Variants in MUC22 observed in about 807,000 individuals in gnomAD.
The protein encoded by MUC22 is mucin-22.
A neutral mutation model predicts 40.3 loss-of-function variants in MUC22; 24 were observed. The ratio of observed to expected loss-of-function variants is 0.60; its 90% CI spans 0.43 to 0.84. The LOEUF is 0.84. Among genes scored for constraint, MUC22 ranks in the 40% least tolerant of loss-of-function variants. The pLI is 0.00. For missense variants in MUC22, 1,926 were observed against 2,130.7 expected (o/e 0.90, Z 1.89); for synonymous variants, 765 against 844.5 (o/e 0.91, Z 1.63).
chr6:31,024,767 A>G (rs1045004555), intron 1 of MUC22, among the ~76,000 whole-genome samples: 6 of 151,758 alleles, frequency 4.0e-5, no homozygotes, highest in Admixed American at 1.3e-4. Context: ...CTGGTCTCCT[A>G]TTTATTCATG....
chr6:31,029,201 C>T, exon 2 of MUC22: 1 of 1,535,110 alleles, frequency 6.5e-7, no homozygotes, highest in South Asian at 1.2e-5. Context: ...GAGACCACTA[C>T]AGTCTCCTCC....
Position 31,011,110 on chromosome 6 carries a change from C to G in MUC22, c.70+334C>G, listed in dbSNP as rs1763842455. 6.6e-6 allele frequency among the ~76,000 whole-genome samples: 1 copy of G among 151,596 alleles called. No homozygotes were observed. ...CTTGGATAAAAGTTTTTTTTTTTAA[C>G]CGGAAAACTCTAGTTCCAATAGCAT... On this transcript the variant is annotated intron_variant, in intron 1 of 3. Transcript: ENST00000561890. This position sits in a 1 kb window ranked among gnomAD's most constrained non-coding sequence, Gnocchi z 4.5.
chr6:31,026,230 A>C, exon 2 of MUC22: 1 of 1,528,426 alleles, frequency 6.5e-7, no homozygotes, highest in South Asian at 1.2e-5. Flanking sequence ...AGGCTCTAAC[A>C]CCACCACAGC....
intron 2 of MUC22, 33 bp downstream of exon 2, chr6:31,030,133 C>T (rs950192556): frequency 6.8e-7 from 1 of 1,478,826 alleles, no homozygotes; most frequent in Non-Finnish European, 8.9e-7. Context: ...TGAGCCCACA[C>T]ATTTTAACTC....
At chr6:31,020,914 T>C (rs1446257938) in intron 1 of MUC22, among the ~76,000 whole-genome samples, 5 of 152,332 alleles carry the variant, frequency 3.3e-5, no homozygotes, top group African/African-American at 1.2e-4. Flanking sequence ...GCCGGCCCAC[T>C]GGCGCTGCAC....
At chr6:31,021,314 A>G (rs9262516) in intron 1 of MUC22, among the ~76,000 whole-genome samples, 35,382 of 114,018 alleles carry the variant, frequency 0.31, 5,594 homozygotes, top group East Asian at 0.45. Context: ...CTGCTCTGGT[A>G]GGGCCTTGGA....
At chr6:31,025,601 C>T (rs767259218) in exon 2 of MUC22, 45 of 1,524,194 alleles carry the variant, frequency 3.0e-5, no homozygotes, top group Middle Eastern at 1.7e-4. Context: ...GCCTCTACTT[C>T]GGCCTTAACT....
At chr6:31,022,360 C>CA (rs2150771721) in intron 1 of MUC22, among the ~76,000 whole-genome samples, 1 of 151,984 alleles carries the variant, frequency 6.6e-6, no homozygotes, top group Non-Finnish European at 1.5e-5. Context: ...GATGGGGGTT[C>CA]TCAATTTTGG....
intron 1 of MUC22, among the ~76,000 whole-genome samples, chr6:31,022,619 C>G (rs116867285): frequency 1.3e-5 from 2 of 151,530 alleles, no homozygotes; most frequent in East Asian, 3.9e-4. Flanking sequence ...AATTATGAGG[C>G]TTATATGTAG....
At chr6:31,026,232 C>G in exon 2 of MUC22, 1 of 1,529,440 alleles carries the variant, frequency 6.5e-7, no homozygotes, top group Non-Finnish European at 8.8e-7. Flanking sequence ...GCTCTAACAC[C>G]ACCACAGCCT....
chr6:31,028,204 A>G, exon 2 of MUC22: 1 of 1,534,812 alleles, frequency 6.5e-7, no homozygotes, highest in East Asian at 2.5e-5. Context: ...AGGCTCTGAG[A>G]CCACTACAGT....
At chr6:31,015,612 G>C (rs755858797) in intron 1 of MUC22, among the ~76,000 whole-genome samples, 1 of 152,156 alleles carries the variant, frequency 6.6e-6, no homozygotes, top group Admixed American at 6.5e-5. Flanking sequence ...TAGAATTCTA[G>C]GATGGATATG....
At chr6:31,021,030 G>C (rs1764679194) in intron 1 of MUC22, among the ~76,000 whole-genome samples, 2 of 103,288 alleles carry the variant, frequency 1.9e-5, no homozygotes, top group Non-Finnish European at 2.2e-5. Context: ...CTGTGCGGCC[G>C]GAGCCTCCCC....
chr6:31,028,628 T>C lies in MUC22; in HGVS notation c.3197T>C (p.Ile1066Thr), dbSNP rs867537635. The stretch of plus-strand genomic sequence containing the variant: ...TTCACTGAAAACTCTGAGACCACCA[T>C]AGCCTCTACCACAGCCTCTGAGACC... The change falls in exon 2 of 4, where the codon ATA (isoleucine) becomes ACA (threonine). Residue 1066 changes from isoleucine to threonine, a missense_variant. Ile to Thr is a moderately conservative substitution (Grantham distance 89, BLOSUM62 -1). This residue lies in a region of MUC22 where 1,281 missense variants were observed against 1,337.8 expected (regional missense o/e 0.96). Transcript: ENST00000561890. 9.9e-6 allele frequency: 15 copies of C among 1,511,802 alleles called. No individual in the cohort carries two copies. The African/African-American group carries it at 2.0e-4, about 20-fold the overall frequency. The allele number at this position is 1,511,802 out of a possible 1,614,324, so 93.6% of individuals were successfully genotyped here.
intron 1 of MUC22, among the ~76,000 whole-genome samples, chr6:31,016,322 G>A (rs553366205): frequency 2.0e-5 from 3 of 152,314 alleles, no homozygotes; most frequent in Non-Finnish European, 2.9e-5. Context: ...TTGCATTTGA[G>A]TGAGGCACTA....
rs1486003980 is a variant in MUC22, at chr6:31,028,073, C to G, written c.2642C>G (p.Thr881Arg). 3.9e-6 allele frequency: 6 copies of G among 1,533,042 alleles called. No homozygotes were observed. The South Asian group carries it at 7.2e-5, about 18-fold the overall frequency. 95.0% of individuals were successfully genotyped at this position (1,533,042 alleles called of 1,614,324 possible). A position where few individuals can be genotyped will look rare whatever the true frequency, so the allele number is the denominator to read the frequency against. The change falls in exon 2 of 4, where the codon ACA becomes AGA. Residue 881 changes from threonine (T) to arginine (R), a missense_variant. Physicochemically the swap from Thr to Arg is moderately conservative, Grantham distance 71. Coordinates refer to ENST00000561890, the Ensembl canonical transcript of MUC22. The stretch of plus-strand genomic sequence containing the variant: ...TCTGAGACCACCACAGCCTCTACTA[C>G]AAGCTCTGAGACCACCACAGCCTCT...
At chr6:31,025,072 T>C (rs1765168020) in intron 1 of MUC22, among the ~76,000 whole-genome samples, 1 of 152,102 alleles carries the variant, frequency 6.6e-6, no homozygotes, top group Non-Finnish European at 1.5e-5. Context: ...TTTCTCCATA[T>C]TGGTCAGGCT....
chr6:31,009,441 C>T (rs532199425), upstream of MUC22, among the ~76,000 whole-genome samples: 1 of 152,264 alleles, frequency 6.6e-6, no homozygotes, highest in African/African-American at 2.4e-5. Context: ...TTCTTATCAC[C>T]CCAGAAGCCT....
chr6:31,023,155 A>G (rs886126161), intron 1 of MUC22, among the ~76,000 whole-genome samples: 1 of 135,340 alleles, frequency 7.4e-6, no homozygotes, highest in Non-Finnish European at 1.6e-5. Context: ...AAAACAAAAT[A>G]CTGGGTTAAT....
Sources: gnomAD v4.1 joint callset for allele counts (sites outside exome capture counted in the v4.1 genomes callset) on GRCh38, gnomAD v4.1.1 for gene constraint, gnomAD v4.1.1 regional missense constraint, Gnocchi (gnomAD v3.1) non-coding constraint, MANE v1.5 for transcripts, NCBI Gene and HGNC (gene_info 2026-07-23, HGNC 2026-07-21) for gene names.